The following VWC2 variants were observed in gnomAD, a reference collection of about 807,000 sequenced individuals.
The protein encoded by VWC2 is von Willebrand factor C domain containing 2.
A neutral mutation model predicts 29.8 loss-of-function variants in VWC2; 14 were observed. That is an observed-to-expected ratio of 0.47 (90% CI 0.31 to 0.74). The LOEUF is 0.74. Among genes scored for constraint, VWC2 ranks in the 30% least tolerant of loss-of-function variants. The pLI is 0.05. For missense variants in VWC2, 457 were observed against 459.8 expected (o/e 0.99, Z 0.05); for synonymous variants, 213 against 199.0 (o/e 1.07, Z -0.59).
intron 3 of VWC2, among the ~76,000 whole-genome samples, chr7:49,882,269 T>C (rs1255719843): frequency 6.6e-6 from 1 of 152,140 alleles, no homozygotes; most frequent in African/African-American, 2.4e-5. Context: ...GGAAGAGAGA[T>C]TCTTGGCTAT....
chr7:49,806,736 T>TTG (rs377260533), intron 3 of VWC2, among the ~76,000 whole-genome samples: 2 of 150,232 alleles, frequency 1.3e-5, no homozygotes, highest in Admixed American at 6.6e-5. Flanking sequence ...GTGTGTGTGT[T>TTG]TGTGTGTGTG....
Position 49,906,287 on chromosome 7 carries a change from C to A in VWC2, c.827-5747C>A, listed in dbSNP as rs552734979. ...AAAATAATAATAAGGACAAAAAATT[C>A]AAAAAAGAACAAAGAGCTAAAGAAT... On this transcript the variant is annotated intron_variant, in intron 3 of 3. Transcript: ENST00000340652. Among the ~76,000 whole-genome samples, 8 of 151,854 alleles carry A rather than the reference C, an allele frequency of 5.3e-5. No individual in the cohort carries two copies. In the East Asian group the frequency reaches 1.5e-3, roughly 29 times the overall value.
chr7:49,793,095 C>A (rs1197474038), intron 2 of VWC2, among the ~76,000 whole-genome samples: 3 of 152,176 alleles, frequency 2.0e-5, no homozygotes, highest in Non-Finnish European at 1.5e-5. Context: ...AGCTGCAGCC[C>A]AGTAAAGCAT....
At chr7:49,853,986 T>C (rs1323096509) in intron 3 of VWC2, among the ~76,000 whole-genome samples, 3 of 151,886 alleles carry the variant, frequency 2.0e-5, no homozygotes, top group East Asian at 3.9e-4. Context: ...GTCCCTGCGA[T>C]AGTTTGCTGA....
At chr7:49,908,004 C>T (rs922571599) in intron 3 of VWC2, among the ~76,000 whole-genome samples, 3 of 152,094 alleles carry the variant, frequency 2.0e-5, no homozygotes, top group East Asian at 3.9e-4. Context: ...GGATTGTCTA[C>T]GGAATGCAGA....
intron 3 of VWC2, among the ~76,000 whole-genome samples, chr7:49,841,872 CTT>C (rs913175318): frequency 2.0e-4 from 30 of 146,740 alleles, no homozygotes; most frequent in African/African-American, 6.2e-4. Flanking sequence ...AAATTCAACT[CTT>C]TTTTTTTTTA....
At chr7:49,910,252 G>C (rs1047262034) in intron 3 of VWC2, among the ~76,000 whole-genome samples, 1 of 152,202 alleles carries the variant, frequency 6.6e-6, no homozygotes, top group Non-Finnish European at 1.5e-5. Flanking sequence ...CACCACCACA[G>C]AACATAAGCT....
rs1165891743 is a variant in VWC2, at chr7:49,920,430, G to A, written c.*8245G>A. On this transcript the variant is annotated 3_prime_UTR_variant, in exon 4 of 4. Coordinates refer to ENST00000340652, the MANE Select transcript of VWC2 (RefSeq NM_198570.5). ...TCAATTTGCTGTGATAGGAAAGGTG[G>A]ATATAAATATAAGCAAGGGTCTGAT... The A allele has an allele frequency of 6.6e-6, 1 of 152,126 alleles. No homozygotes were observed. Among genetic ancestry groups the A allele is most frequent in the African/African-American group, 2.4e-5 (1 of 41,436 alleles). 9.4% of individuals were successfully genotyped at this position (152,126 alleles called of 1,614,324 possible). A position where few individuals can be genotyped will look rare whatever the true frequency, so the allele number is the denominator to read the frequency against.
At chr7:49,909,135 C>T (rs1473347267) in intron 3 of VWC2, among the ~76,000 whole-genome samples, 2 of 152,162 alleles carry the variant, frequency 1.3e-5, no homozygotes, top group Non-Finnish European at 2.9e-5. Flanking sequence ...TCCAAGATCA[C>T]ATAACTATTA....
rs1210029743 is a variant in VWC2, at chr7:49,914,686, A to T, written c.*2501A>T. Reference sequence around the variant, plus strand: ...ACAAATACATAGCTATCTCAGATTGACATTCTATTTTCCTCCCCTCTGTTG... The same window carrying T: ...ACAAATACATAGCTATCTCAGATTGTCATTCTATTTTCCTCCCCTCTGTTG... On this transcript the variant is annotated 3_prime_UTR_variant, in exon 4 of 4. Transcript: ENST00000340652. 5 of 152,206 alleles carry T rather than the reference A, an allele frequency of 3.3e-5. No individual in the cohort carries two copies. The highest frequency in any genetic ancestry group is 1.2e-4 in the African/African-American group (5 of 41,466). The allele number at this position is 152,206 out of a possible 1,614,324, so 9.4% of individuals were successfully genotyped here.
chr7:49,840,928 G>A (rs1445372725), intron 3 of VWC2, among the ~76,000 whole-genome samples: 1 of 152,140 alleles, frequency 6.6e-6, no homozygotes, highest in African/African-American at 2.4e-5. Context: ...ACTATAGTGG[G>A]TTAACATGAG....
rs79731913 is a variant in VWC2 at position 49,802,781 on chromosome 7, A to C, written c.767A>C (p.Gln256Pro). The C allele has an allele frequency of 0.053, 85,400 of 1,614,204 alleles. 2,614 individuals carry two copies. Among genetic ancestry groups the C allele is most frequent in the Middle Eastern group, 0.07 (427 of 6,062 alleles). Residue 256 changes from glutamine (Q) to proline (P), a missense_variant, in exon 3 of 4, where the codon CAG (glutamine) becomes CCG (proline). Gln to Pro is a moderately conservative substitution (Grantham distance 76). Coordinates refer to ENST00000340652, the MANE Select transcript of VWC2 (RefSeq NM_198570.5). ...CTATGCACAGTGTCAGCGTGTCCCCAGACGGAGTGTGTGGACCCTGTGTAC... is the reference window on the plus strand; with the variant it reads ...CTATGCACAGTGTCAGCGTGTCCCCCGACGGAGTGTGTGGACCCTGTGTAC... ...EVLCTVSACPQTECVDPVYEP... is the reference protein window; with the variant it reads ...EVLCTVSACPPTECVDPVYEP...
At chr7:49,908,897 A>G (rs1326729704) in intron 3 of VWC2, among the ~76,000 whole-genome samples, 1 of 152,228 alleles carries the variant, frequency 6.6e-6, no homozygotes, top group African/African-American at 2.4e-5. Context: ...AAAAATAAAG[A>G]TTTTATATTC....
At chr7:49,799,194 T>A (rs946066814) in intron 2 of VWC2, among the ~76,000 whole-genome samples, 3 of 152,168 alleles carry the variant, frequency 2.0e-5, no homozygotes, top group African/African-American at 4.8e-5. Context: ...CAGCAGGTGG[T>A]CTGAGATGGT....
At chr7:49,824,904 GA>G (rs1184669221) in intron 3 of VWC2, among the ~76,000 whole-genome samples, 1 of 152,030 alleles carries the variant, frequency 6.6e-6, no homozygotes, top group African/African-American at 2.4e-5. Flanking sequence ...CCAAACCTGT[GA>G]AATTTTCATT....
intron 1 of VWC2, 43 bp from the exon 2 acceptor site, chr7:49,775,290 G>T: frequency 4.7e-6 from 2 of 423,046 alleles, no homozygotes; most frequent in Non-Finnish European, 7.3e-6. Context: ...GCCGGGGCGC[G>T]CGCGGGCCGC....
chr7:49,835,769 A>T (rs531182003), intron 3 of VWC2, among the ~76,000 whole-genome samples: 1 of 152,322 alleles, frequency 6.6e-6, no homozygotes, highest in East Asian at 1.9e-4. Flanking sequence ...AGTAAAATGT[A>T]TGATTGATGG....
intron 3 of VWC2, among the ~76,000 whole-genome samples, chr7:49,878,723 C>A (rs952218390): frequency 6.6e-6 from 1 of 152,052 alleles, no homozygotes; most frequent in Non-Finnish European, 1.5e-5. Context: ...TAAAAAATTG[C>A]TCATGCACGA....
chr7:49,828,691 C>T (rs1789459369), intron 3 of VWC2, among the ~76,000 whole-genome samples: 1 of 152,174 alleles, frequency 6.6e-6, no homozygotes, highest in African/African-American at 2.4e-5. Context: ...TCTGGAGCCT[C>T]ACTGCTGCTA....
Sources: allele counts gnomAD v4.1 joint callset (sites outside exome capture counted in the v4.1 genomes callset), GRCh38; gene constraint gnomAD v4.1.1; transcripts MANE v1.5; gene names NCBI Gene and HGNC (gene_info 2026-07-23, HGNC 2026-07-21).